The following OSBPL9 variants were observed in gnomAD, a reference collection of about 807,000 sequenced individuals.
The protein encoded by OSBPL9 is oxysterol binding protein like 9.
In OSBPL9, 40 loss-of-function variants were observed where a neutral mutation model predicts 106.6. The observed-to-expected ratio is 0.38, with a 90% CI of 0.29 to 0.49. The LOEUF (loss-of-function observed/expected upper bound fraction) is 0.49. OSBPL9 is among the 20% of genes least tolerant of loss of function. The pLI is 0.97. For synonymous variants in OSBPL9, 269 were observed against 295.4 expected (o/e 0.91, Z 0.92); for missense variants, 609 against 887.2 (o/e 0.69, Z 3.98).
the OSBPL9 span, among the ~76,000 whole-genome samples, chr1:51,560,020 C>T: frequency 6.6e-6 from 1 of 152,150 alleles, no homozygotes; most frequent in African/African-American, 2.4e-5. Context: ...CATACATGAC[C>T]TCCTTGTACT....
In OSBPL9 at chr1:51,784,321, A is replaced by G; in HGVS notation, c.1682A>G (p.Tyr561Cys). The stretch of plus-strand genomic sequence containing the variant: ...TACATTCTCACATTCCCCAATGGCT[A>G]TGGAAGGCAAGTGTGTCCATTTCCT... ...EHYILTFPNG[Y>C]GRSILTVPWV... The change falls in exon 19 of 24, where the codon TAT becomes TGT. Residue 561 changes from tyrosine (Y) to cysteine (C), a missense_variant. Around this residue, in one of 5 missense-constraint regions of OSBPL9, gnomAD observed 19 missense variants for 60.9 expected, o/e 0.31. Coordinates refer to ENST00000428468, the MANE Select transcript of OSBPL9 (RefSeq NM_024586.6). The G allele has an allele frequency of 1.2e-6, 2 of 1,613,730 alleles. No individual in the cohort carries two copies. Among genetic ancestry groups the G allele is most frequent in the Non-Finnish European group, 1.7e-6 (2 of 1,179,628 alleles).
chr1:51,652,097 T>C (rs1409736540), intron 2 of OSBPL9, 56 bp downstream of exon 2: 7 of 1,341,198 alleles, frequency 5.2e-6, no homozygotes, highest in Non-Finnish European at 7.3e-6. Flanking sequence ...AATTGTATTC[T>C]GATAGAATTA....
intron 1 of OSBPL9, among the ~76,000 whole-genome samples, chr1:51,619,296 A>C (rs1229854392): frequency 6.6e-6 from 1 of 152,188 alleles, no homozygotes; most frequent in African/African-American, 2.4e-5. Flanking sequence ...AGAGGCCCCC[A>C]GCTGAGGTTC....
chr1:51,707,037 A>G lies in OSBPL9; in HGVS notation c.242-6966A>G. The G allele has an allele frequency of 1.1e-5, 2 of 186,510 alleles. 1 individual carries two copies. 11.6% of individuals were successfully genotyped at this position (186,510 alleles called of 1,614,324 possible). The stretch of plus-strand genomic sequence containing the variant: ...AGAAGAGATTTTTGCATGTCTGTTT[A>G]TTCTGTTAGATTTGAGTGCAGCAGG... On this transcript the variant is annotated intron_variant, in intron 3 of 23. Transcript: ENST00000428468.
At chr1:51,742,918 T>A (rs1328547033) in intron 4 of OSBPL9, among the ~76,000 whole-genome samples, 1 of 152,156 alleles carries the variant, frequency 6.6e-6, no homozygotes, top group Non-Finnish European at 1.5e-5. Flanking sequence ...CAAGACTAGA[T>A]GACTTTCAAA....
At chr1:51,533,841 C>T in the OSBPL9 span, among the ~76,000 whole-genome samples, 17 of 123,974 alleles carry the variant, frequency 1.4e-4, no homozygotes, top group South Asian at 2.5e-4. Flanking sequence ...TTTCTTTTTT[C>T]TTTCTTTTTT....
intron 1 of OSBPL9, among the ~76,000 whole-genome samples, chr1:51,630,284 G>T (rs563788066): frequency 2.0e-5 from 3 of 152,020 alleles, no homozygotes; most frequent in Non-Finnish European, 4.4e-5. Context: ...CTCTCCCGGC[G>T]CTGGGTCAGG....
chr1:51,711,851 T>G (rs1660056820), intron 3 of OSBPL9, among the ~76,000 whole-genome samples: 2 of 138,076 alleles, frequency 1.4e-5, no homozygotes, highest in Non-Finnish European at 3.1e-5. Context: ...TTCCTAGATG[T>G]GATGGTGGCC....
intron 1 of OSBPL9, among the ~76,000 whole-genome samples, chr1:51,632,261 T>C (rs1645155102): frequency 6.6e-6 from 1 of 152,246 alleles, no homozygotes; most frequent in African/African-American, 2.4e-5. Context: ...ACAGTAGGTT[T>C]GTTTATAACA....
At chr1:51,519,629 G>A in the OSBPL9 span, among the ~76,000 whole-genome samples, 1 of 152,200 alleles carries the variant, frequency 6.6e-6, no homozygotes. Flanking sequence ...ATTGTAACTA[G>A]AGGCCCAGTT....
At chr1:51,616,003 GTTTTTTT>G (rs764823727), upstream of OSBPL9, among the ~76,000 whole-genome samples, 302 of 104,512 alleles carry the variant, frequency 2.9e-3, 2 homozygotes, top group East Asian at 0.039. Context: ...AAATCCTTTG[GTTTTTTT>G]TTTTTTTTTT....
chr1:51,546,496 G>A, the OSBPL9 span, among the ~76,000 whole-genome samples: 2 of 152,006 alleles, frequency 1.3e-5, no homozygotes, highest in African/African-American at 4.8e-5. Context: ...AGGAGATCGA[G>A]ACCATCCTGG....
At chr1:51,779,629 C>T (rs960282699) in intron 15 of OSBPL9, among the ~76,000 whole-genome samples, 6 of 151,650 alleles carry the variant, frequency 4.0e-5, no homozygotes, top group African/African-American at 1.5e-4. Flanking sequence ...AAAATATTCG[C>T]AAACTATGCA....
the OSBPL9 span, among the ~76,000 whole-genome samples, chr1:51,550,646 G>A: frequency 6.6e-6 from 1 of 152,112 alleles, no homozygotes; most frequent in Non-Finnish European, 1.5e-5. Flanking sequence ...CCAAGTAGCT[G>A]GAATTACAGG....
Position 51,661,798 on chromosome 1 carries a change from A to G in OSBPL9, c.163-7636A>G, listed in dbSNP as rs1647178043. On this transcript the variant is annotated intron_variant, in intron 2 of 23. Transcript: ENST00000428468. ...AATCAAAAAAATACTCTAAACCCAG[A>G]TAAAGGGAGAGGAAGGATGTCTCAG... is the stretch of plus-strand genomic sequence containing the variant. 1.3e-5 allele frequency among the ~76,000 whole-genome samples: 2 copies of G among 152,230 alleles called. 1 individual carries two copies. Among genetic ancestry groups the G allele is most frequent in the South Asian group, 4.1e-4 (2 of 4,832 alleles).
At chr1:51,625,056 G>GT (rs1376448664) in intron 1 of OSBPL9, among the ~76,000 whole-genome samples, 3 of 152,204 alleles carry the variant, frequency 2.0e-5, no homozygotes, top group Admixed American at 2.0e-4. Context: ...TAGCAAATAT[G>GT]TATGTTTCCA....
At chr1:51,576,524 G>C (rs12069970), upstream of OSBPL9, among the ~76,000 whole-genome samples, 1 of 151,600 alleles carries the variant, frequency 6.6e-6, no homozygotes, top group Non-Finnish European at 1.5e-5. Context: ...GGTTTTTTTG[G>C]GTTTTTTTGT....
chr1:51,651,801 A>G (rs1032685353), intron 1 of OSBPL9, among the ~76,000 whole-genome samples, 190 bp from the exon 2 acceptor site: 1 of 152,198 alleles, frequency 6.6e-6, no homozygotes, highest in African/African-American at 2.4e-5. Flanking sequence ...GTTAATTTAT[A>G]TAGACTGTAT....
chr1:51,609,894 T>G (rs531539540), intron 2 of OSBPL9, among the ~76,000 whole-genome samples: 184 of 151,960 alleles, frequency 1.2e-3, no homozygotes, highest in African/African-American at 4.3e-3. Context: ...ATTACAGGCA[T>G]GTGCCACCAC....
Sources: gnomAD v4.1 joint callset for allele counts (sites outside exome capture counted in the v4.1 genomes callset) on GRCh38, gnomAD v4.1.1 for gene constraint, gnomAD v4.1.1 regional missense constraint, MANE v1.5 for transcripts, NCBI Gene and HGNC (gene_info 2026-07-23, HGNC 2026-07-21) for gene names.